ERFL: variants seen among roughly 807,000 people sequenced by gnomAD.
The protein encoded by ERFL is ETS domain-containing transcription factor ERF-like.
A neutral mutation model predicts 27.9 loss-of-function variants in ERFL; 8 were observed. The ratio of observed to expected loss-of-function variants is 0.29; its 90% CI spans 0.17 to 0.52. The LOEUF (loss-of-function observed/expected upper bound fraction) is 0.52. ERFL is among the 20% of genes least tolerant of loss of function. The pLI is 0.97. For synonymous variants in ERFL, 174 were observed against 202.8 expected (o/e 0.86, Z 1.21); for missense variants, 294 against 444.4 (o/e 0.66, Z 3.04).
At chr19:41,913,824 A>C (rs1252896933) in intron 1 of ERFL, among the ~76,000 whole-genome samples, 5 of 90,874 alleles carry the variant, frequency 5.5e-5, no homozygotes, top group African/African-American at 9.0e-5. Flanking sequence ...CTTGCAATCC[A>C]CTCCCTCTCA....
chr19:41,924,849 G>GT (rs2074862381), intron 1 of ERFL, among the ~76,000 whole-genome samples: 1 of 152,168 alleles, frequency 6.6e-6, no homozygotes, highest in Non-Finnish European at 1.5e-5. Context: ...GAGAGAAGCA[G>GT]GTTGGAGACA....
chr19:41,908,290 C>A lies in ERFL; in HGVS notation c.1003G>T (p.Gly335Cys). 13 of 1,231,592 alleles carry A rather than the reference C, an allele frequency of 1.1e-5. No individual in the cohort carries two copies. The highest frequency in any genetic ancestry group is 1.3e-5 in the Non-Finnish European group (13 of 987,882). The allele number at this position is 1,231,592 out of a possible 1,614,324, so 76.3% of individuals were successfully genotyped here. A position where few individuals can be genotyped will look rare whatever the true frequency, so the allele number is the denominator to read the frequency against. The change falls in exon 6 of 6, where the codon GGC becomes TGC. Residue 335 changes from glycine (G) to cysteine (C), a missense_variant. By Grantham distance (159) the Gly-to-Cys change is radical (BLOSUM62 -3). Coordinates refer to ENST00000597630, the MANE Select transcript of ERFL (RefSeq NM_001365103.2). This position sits in a 1 kb window ranked among gnomAD's most constrained non-coding sequence, Gnocchi z 6.7. ...DVSGCSSDSEGDEGLPAPPKA... is the reference protein window; with the variant it reads ...DVSGCSSDSECDEGLPAPPKA... The stretch of plus-strand genomic sequence containing the variant: ...GGGGGTGCCGGGAGACCCTCATCGC[C>A]CTCGCTGTCAGAGCTGCAGCCGCTG...
chr19:41,917,046 C>T lies in ERFL; in HGVS notation c.-13-4114G>A, dbSNP rs115030176. On this transcript the variant is annotated intron_variant, in intron 1 of 5. Transcript: ENST00000597630. This position sits in a 1 kb window ranked among gnomAD's most constrained non-coding sequence, Gnocchi z 4.8. The stretch of plus-strand genomic sequence containing the variant: ...TGTGTGCACATATGTGACACGTGCC[C>T]TTGTCTCAGACCTGCTTCTGTGACT... Among the ~76,000 whole-genome samples, 1,796 of 152,226 alleles carry T rather than the reference C, an allele frequency of 0.012. 25 individuals carry two copies. The highest frequency in any genetic ancestry group is 0.041 in the African/African-American group (1,707 of 41,514).
chr19:41,908,981 G>C lies in ERFL; in HGVS notation c.616+79C>G, dbSNP rs1370373455. 15 of 920,424 alleles carry C rather than the reference G, an allele frequency of 1.6e-5. No homozygotes were observed. Among genetic ancestry groups the C allele is most frequent in the African/African-American group, 3.5e-5 (2 of 57,510 alleles). 57.0% of individuals were successfully genotyped at this position (920,424 alleles called of 1,614,324 possible). A position where few individuals can be genotyped will look rare whatever the true frequency, so the allele number is the denominator to read the frequency against. On this transcript the variant is annotated intron_variant, in intron 5 of 5. Coordinates refer to ENST00000597630, the MANE Select transcript of ERFL (RefSeq NM_001365103.2). The surrounding 1 kb of genome is among the most constrained non-coding windows in gnomAD (Gnocchi z 6.7). Reference sequence around the variant, plus strand: ...GGCCCCCTTCCCCATCTCTTCTCTTGTCTTTTCTCATCCTCTTCCCTCAAG... The same window carrying C: ...GGCCCCCTTCCCCATCTCTTCTCTTCTCTTTTCTCATCCTCTTCCCTCAAG...
Position 41,910,160 on chromosome 19 carries a change from G to T in ERFL, c.68-63C>A. 6.7e-7 allele frequency: 1 copy of T among 1,486,964 alleles called. No homozygotes were observed. Among genetic ancestry groups the T allele is most frequent in the Non-Finnish European group, 9.1e-7 (1 of 1,098,792 alleles). 92.1% of individuals were successfully genotyped at this position (1,486,964 alleles called of 1,614,324 possible). A position where few individuals can be genotyped will look rare whatever the true frequency, so the allele number is the denominator to read the frequency against. On this transcript the variant is annotated intron_variant, in intron 2 of 5. Transcript: ENST00000597630. The surrounding 1 kb of genome is among the most constrained non-coding windows in gnomAD (Gnocchi z 4.4). ...TGCCAAGTCCAGGGCTCTGGGTCCTGCTGGACTCAGTAACCTGGGAGGCAT... is the reference window on the plus strand; with the variant it reads ...TGCCAAGTCCAGGGCTCTGGGTCCTTCTGGACTCAGTAACCTGGGAGGCAT...
In ERFL at chr19:41,917,154, G is replaced by T. The variant is rs915314568; in HGVS notation, c.-13-4222C>A. Among the ~76,000 whole-genome samples, 2 of 152,098 alleles carry T rather than the reference G, an allele frequency of 1.3e-5. 1 individual carries two copies. Among genetic ancestry groups the T allele is most frequent in the South Asian group, 4.1e-4 (2 of 4,824 alleles). On this transcript the variant is annotated intron_variant, in intron 1 of 5. Coordinates refer to ENST00000597630, the MANE Select transcript of ERFL (RefSeq NM_001365103.2). The surrounding 1 kb of genome is among the most constrained non-coding windows in gnomAD (Gnocchi z 4.8). ...TTTCTGTCTGTCTCTGTCACTGAGG[G>T]TCTCTGTCTGTCTCTGTCAGAGAGG...
chr19:41,913,031 G>A, intron 1 of ERFL, 99 bp from the exon 2 acceptor site: 1 of 450,280 alleles, frequency 2.2e-6, no homozygotes, highest in Non-Finnish European at 3.7e-6. Flanking sequence ...CCTCTCCCAG[G>A]TCCCCACCCC....
chr19:41,923,078 T>C (rs1829666260), intron 1 of ERFL: 1 of 451,490 alleles, frequency 2.2e-6, no homozygotes, highest in Non-Finnish European at 4.5e-6. Flanking sequence ...ACCCAGGCCT[T>C]TTGCTTCCCT....
chr19:41,914,703 T>C lies in ERFL; in HGVS notation c.-13-1771A>G, dbSNP rs368739952. 3.1e-3 allele frequency among the ~76,000 whole-genome samples: 35 copies of C among 11,286 alleles called. 5 individuals carry two copies. Among genetic ancestry groups the C allele is most frequent in the South Asian group, 0.012 (2 of 164 alleles). The allele number at this position is 11,286 out of a possible 152,430, so 7.4% of individuals were successfully genotyped here. A position where few individuals can be genotyped will look rare whatever the true frequency, so the allele number is the denominator to read the frequency against. ...CCACCATCTCTGTCTCTCCCTCCCCTTCCACCATCTCTGTCTCTCCCTCCC... is the reference window on the plus strand; with the variant it reads ...CCACCATCTCTGTCTCTCCCTCCCCCTCCACCATCTCTGTCTCTCCCTCCC... On this transcript the variant is annotated intron_variant, in intron 1 of 5. Coordinates refer to ENST00000597630, the MANE Select transcript of ERFL (RefSeq NM_001365103.2).
Position 41,921,847 on chromosome 19 carries a change from C to T in ERFL, c.-14+6193G>A, listed in dbSNP as rs149838076. Among the ~76,000 whole-genome samples, 788 of 151,938 alleles carry T rather than the reference C, an allele frequency of 5.2e-3. 8 individuals are homozygous for T. The highest frequency in any genetic ancestry group is 0.018 in the African/African-American group (755 of 41,372). ...AGGAGGTTGGTGTCCCCTGGGAGTCCGACCCATCCCAGCTTCAAAGCCCAC... is the reference window on the plus strand; with the variant it reads ...AGGAGGTTGGTGTCCCCTGGGAGTCTGACCCATCCCAGCTTCAAAGCCCAC... On this transcript the variant is annotated intron_variant, in intron 1 of 5. Coordinates refer to ENST00000597630, the MANE Select transcript of ERFL (RefSeq NM_001365103.2). This position sits in a 1 kb window ranked among gnomAD's most constrained non-coding sequence, Gnocchi z 4.4.
At chr19:41,922,904 G>A (rs578184447) in intron 1 of ERFL, among the ~76,000 whole-genome samples, 52 of 152,334 alleles carry the variant, frequency 3.4e-4, no homozygotes, top group African/African-American at 1.2e-3. Context: ...CCATGCCCAG[G>A]CCTGGGCTGG....
chr19:41,923,390 T>C (rs1229164431), intron 1 of ERFL, among the ~76,000 whole-genome samples: 2 of 151,182 alleles, frequency 1.3e-5, no homozygotes, highest in Non-Finnish European at 2.9e-5. Flanking sequence ...AGACCCTGTA[T>C]GGAGAAAAAC....
At chr19:41,914,050 C>T (rs1213858183) in intron 1 of ERFL, among the ~76,000 whole-genome samples, 3 of 138,856 alleles carry the variant, frequency 2.2e-5, no homozygotes, top group Non-Finnish European at 4.6e-5. Context: ...CCTGGCAGCC[C>T]ACACTGTGTT....
chr19:41,926,853 C>T (rs2074874361), intron 1 of ERFL, among the ~76,000 whole-genome samples: 3 of 152,066 alleles, frequency 2.0e-5, no homozygotes, highest in Admixed American at 6.5e-5. Flanking sequence ...ATTAGGTCCC[C>T]GGCTTAATCT....
intron 2 of ERFL, among the ~76,000 whole-genome samples, chr19:41,912,448 T>A (rs1390161056): frequency 6.6e-6 from 1 of 152,198 alleles, no homozygotes; most frequent in African/African-American, 2.4e-5. Context: ...TACCCCTGAC[T>A]GGGCAGTGCC....
chr19:41,916,760 G>T lies in ERFL; in HGVS notation c.-13-3828C>A, dbSNP rs561255624. Among the ~76,000 whole-genome samples, 1 of 151,476 alleles carries T rather than the reference G, an allele frequency of 6.6e-6. No individual in the cohort carries two copies. Among genetic ancestry groups the T allele is most frequent in the African/African-American group, 2.4e-5 (1 of 41,174 alleles). On this transcript the variant is annotated intron_variant, in intron 1 of 5. Transcript: ENST00000597630. This position sits in a 1 kb window ranked among gnomAD's most constrained non-coding sequence, Gnocchi z 5.4. ...ACCAGCACCAACCCAGACAGCCAACGCACACGGCCACACACACACCCATTC... is the reference window on the plus strand; with the variant it reads ...ACCAGCACCAACCCAGACAGCCAACTCACACGGCCACACACACACCCATTC...
rs1357580894 is a variant in ERFL, at chr19:41,917,730, G to A, written c.-13-4798C>T. 2.0e-5 allele frequency among the ~76,000 whole-genome samples: 3 copies of A among 151,336 alleles called. No homozygotes were observed. Among genetic ancestry groups the A allele is most frequent in the Admixed American group, 1.3e-4 (2 of 15,210 alleles). On this transcript the variant is annotated intron_variant, in intron 1 of 5. Coordinates refer to ENST00000597630, the MANE Select transcript of ERFL (RefSeq NM_001365103.2). The surrounding 1 kb of genome is among the most constrained non-coding windows in gnomAD (Gnocchi z 4.8). ...AATCTGGGGACATATCTCTCCTTAC[G>A]CCACACGCCCATGTAGGACACATCT...
At chr19:41,915,616 C>T (rs868960468) in intron 1 of ERFL, among the ~76,000 whole-genome samples, 1 of 152,010 alleles carries the variant, frequency 6.6e-6, no homozygotes, top group Non-Finnish European at 1.5e-5. Flanking sequence ...CCCCATGTCC[C>T]CCATCTCTGT....
chr19:41,924,966 G>A (rs1186367915), intron 1 of ERFL, among the ~76,000 whole-genome samples: 1 of 152,122 alleles, frequency 6.6e-6, no homozygotes, highest in Non-Finnish European at 1.5e-5. Context: ...GTGTGCAGTG[G>A]GTTCCCAATG....
Sources: allele counts gnomAD v4.1 joint callset (sites outside exome capture counted in the v4.1 genomes callset), GRCh38; gene constraint gnomAD v4.1.1; non-coding constraint Gnocchi (gnomAD v3.1); transcripts MANE v1.5; gene names NCBI Gene and HGNC (gene_info 2026-07-23, HGNC 2026-07-21).